The following PSMC1 variants were observed in gnomAD, a reference collection of about 807,000 sequenced individuals.
PSMC1 encodes the protein 26S proteasome regulatory subunit 4.
Under a neutral mutation model 49.8 loss-of-function variants are expected in PSMC1, and 5 were observed. That is an observed-to-expected ratio of 0.10 (90% CI 0.05 to 0.21). PSMC1 has a LOEUF of 0.21. PSMC1 is among the 10% of genes least tolerant of loss of function. The pLI, the probability that PSMC1 is intolerant of heterozygous loss-of-function variation, is 1.00. For missense variants in PSMC1, 181 were observed against 535.7 expected (o/e 0.34, Z 6.54); for synonymous variants, 155 against 192.1 (o/e 0.81, Z 1.60).
chr14:90,265,012 A>G, intron 6 of PSMC1, 58 bp from the exon 7 acceptor site: 1 of 1,258,768 alleles, frequency 7.9e-7, no homozygotes, highest in Non-Finnish European at 1.1e-6. Context: ...TCATGTTGCC[A>G]ATTAGTAAAT....
chr14:90,256,871 C>T (rs1042646766), intron 1 of PSMC1, among the ~76,000 whole-genome samples: 1 of 152,146 alleles, frequency 6.6e-6, no homozygotes, highest in African/African-American at 2.4e-5. Flanking sequence ...GGCGGCAGAA[C>T]GGATCAGGCC....
chr14:90,270,084 C>G (rs1361530832), intron 9 of PSMC1, 114 bp from the exon 10 acceptor site: 1 of 1,125,356 alleles, frequency 8.9e-7, no homozygotes, highest in African/African-American at 1.6e-5. Context: ...ATCCTTCCCA[C>G]AGAATTCTGT....
chr14:90,274,514 G>GCA lies in PSMC1; in HGVS notation c.*2109_*2110dup, dbSNP rs1891750554. 6.6e-6 allele frequency: 1 copy of GCA among 151,938 alleles called. No individual in the cohort carries two copies. Among genetic ancestry groups the GCA allele is most frequent in the Admixed American group, 6.6e-5 (1 of 15,200 alleles). 9.4% of individuals were successfully genotyped at this position (151,938 alleles called of 1,614,324 possible). A position where few individuals can be genotyped will look rare whatever the true frequency, so the allele number is the denominator to read the frequency against. On this transcript the variant is annotated 3_prime_UTR_variant, in exon 11 of 11. Coordinates refer to ENST00000261303, the MANE Select transcript of PSMC1 (RefSeq NM_002802.3). ...AACAGTGACACCCCAACTGCAGTGA[G>GCA]CACCCCTAGACCCAGACCTTTGCTG...
intron 10 of PSMC1, 42 bp downstream of exon 10, chr14:90,270,394 C>T (rs767691627): frequency 5.7e-6 from 9 of 1,586,884 alleles, no homozygotes; most frequent in East Asian, 4.5e-5. Flanking sequence ...GGAATGTGGC[C>T]GTCAATCAGG....
At chr14:90,267,269 C>A (rs1449947685) in intron 7 of PSMC1, among the ~76,000 whole-genome samples, 2 of 151,840 alleles carry the variant, frequency 1.3e-5, no homozygotes, top group African/African-American at 4.8e-5. Flanking sequence ...TCAAGCAATT[C>A]TCCTGCCTCA....
At chr14:90,265,286 G>C (rs1891482616) in intron 7 of PSMC1, 120 bp downstream of exon 7, 8 of 655,256 alleles carry the variant, frequency 1.2e-5, no homozygotes, top group South Asian at 6.5e-5. Context: ...TTAAAACAGG[G>C]CTGCTCAACC....
rs531373833 is a variant in PSMC1 at position 90,273,921 on chromosome 14, G to GTGA, written c.*1516_*1518dup. On this transcript the variant is annotated 3_prime_UTR_variant, in exon 11 of 11. Transcript: ENST00000261303. ...GCCTTTTCTATTCTTATGGATCCTT[G>GTGA]TGATTGCATTGGACCCATGCAGATG... is the stretch of plus-strand genomic sequence containing the variant. 10 of 154,980 alleles carry GTGA rather than the reference G, an allele frequency of 6.5e-5. No individual in the cohort carries two copies. Among genetic ancestry groups the GTGA allele is most frequent in the African/African-American group, 2.2e-4 (9 of 41,662 alleles). The allele number at this position is 154,980 out of a possible 1,614,324, so 9.6% of individuals were successfully genotyped here.
intron 7 of PSMC1, among the ~76,000 whole-genome samples, chr14:90,266,810 A>G (rs957389726): frequency 3.3e-5 from 5 of 152,308 alleles, no homozygotes; most frequent in Admixed American, 2.6e-4. Context: ...ACCTTCCCTC[A>G]TTGATGCTTT....
At position 90,274,541 on chromosome 14, in the gene PSMC1, T is replaced by TAA. The variant is rs1891751735; in HGVS notation, c.*2137_*2138dup. On this transcript the variant is annotated 3_prime_UTR_variant, in exon 11 of 11. Transcript: ENST00000261303. Reference sequence around the variant, plus strand: ...ACCCCTAGACCCAGACCTTTGCTGCTAAAAGTATTATTCTCCACTAAAAGG... The same window carrying TAA: ...ACCCCTAGACCCAGACCTTTGCTGCTAAAAAAGTATTATTCTCCACTAAAAGG... 7.7e-6 allele frequency: 1 copy of TAA among 129,996 alleles called. No homozygotes were observed. The highest frequency in any genetic ancestry group is 7.6e-5 in the Admixed American group (1 of 13,078). The allele number at this position is 129,996 out of a possible 1,614,324, so 8.1% of individuals were successfully genotyped here.
chr14:90,261,693 C>T (rs556080076), intron 3 of PSMC1, among the ~76,000 whole-genome samples: 21 of 152,170 alleles, frequency 1.4e-4, no homozygotes, highest in Non-Finnish European at 2.9e-4. Context: ...AACACTTTTA[C>T]ACTGTTGGTG....
At chr14:90,263,574 A>G (rs1006943370) in intron 4 of PSMC1, 88 bp from the exon 5 acceptor site, 4 of 1,505,160 alleles carry the variant, frequency 2.7e-6, no homozygotes, top group South Asian at 1.2e-5. Flanking sequence ...TTTTACAAGC[A>G]TCGGCTGCTT....
rs1305972314 is a variant in PSMC1, at chr14:90,272,425, C to A, written c.*18C>A. The A allele has an allele frequency of 2.0e-6, 3 of 1,526,330 alleles. No individual in the cohort carries two copies. The highest frequency in any genetic ancestry group is 2.2e-5 in the Admixed American group (1 of 46,432). The allele number at this position is 1,526,330 out of a possible 1,614,324, so 94.5% of individuals were successfully genotyped here. ...ATCTCTAATGAACCATGGCTGTCAT[C>A]AGGAAAATGGTTGGGAGATTTCTCA... is the stretch of plus-strand genomic sequence containing the variant. On this transcript the variant is annotated 3_prime_UTR_variant, in exon 11 of 11. Coordinates refer to ENST00000261303, the MANE Select transcript of PSMC1 (RefSeq NM_002802.3). This position sits in a 1 kb window ranked among gnomAD's most constrained non-coding sequence, Gnocchi z 4.5.
Position 90,275,243 on chromosome 14 carries a change from G to A in PSMC1, c.*2836G>A, listed in dbSNP as rs912855322. 1.2e-4 allele frequency: 18 copies of A among 152,256 alleles called. No homozygotes were observed. The highest frequency in any genetic ancestry group is 4.3e-4 in the African/African-American group (18 of 41,522). 9.4% of individuals were successfully genotyped at this position (152,256 alleles called of 1,614,324 possible). ...GCTCCTGAACTGGATCCTTTTCCTAGAGGACATGACTGGGCCTGAGGACCT... is the reference window on the plus strand; with the variant it reads ...GCTCCTGAACTGGATCCTTTTCCTAAAGGACATGACTGGGCCTGAGGACCT... On this transcript the variant is annotated 3_prime_UTR_variant, in exon 11 of 11. Transcript: ENST00000261303.
At position 90,274,834 on chromosome 14, in the gene PSMC1, A is replaced by ACACACC; in HGVS notation, c.*2429_*2434dup. 1 of 54,358 alleles carries ACACACC rather than the reference A, an allele frequency of 1.8e-5. No individual in the cohort carries two copies. The highest frequency in any genetic ancestry group is 6.8e-5 in the African/African-American group (1 of 14,664). 3.4% of individuals were successfully genotyped at this position (54,358 alleles called of 1,614,324 possible). ...CACACACACACACACACACACACACACACACCCCAATACATATGAATTGAT... is the reference window on the plus strand; with the variant it reads ...CACACACACACACACACACACACACACACACCCACACCCCAATACATATGAATTGAT... On this transcript the variant is annotated 3_prime_UTR_variant, in exon 11 of 11. Transcript: ENST00000261303.
chr14:90,256,597 G>A lies in PSMC1; in HGVS notation c.-1G>A. ...GCGGCAGCTCAAGTGGCCAAGGCAAGATGGTGAGTGACTAAGGGTTTCTTT... is the reference window on the plus strand; with the variant it reads ...GCGGCAGCTCAAGTGGCCAAGGCAAAATGGTGAGTGACTAAGGGTTTCTTT... On this transcript the variant is annotated 5_prime_UTR_variant, in exon 1 of 11. Coordinates refer to ENST00000261303, the MANE Select transcript of PSMC1 (RefSeq NM_002802.3). 6.3e-7 allele frequency: 1 copy of A among 1,589,596 alleles called. No individual in the cohort carries two copies.
At chr14:90,257,367 G>C (rs1226326919) in intron 1 of PSMC1, among the ~76,000 whole-genome samples, 1 of 152,120 alleles carries the variant, frequency 6.6e-6, no homozygotes, top group Non-Finnish European at 1.5e-5. Flanking sequence ...TTGTTGTATG[G>C]TTATTGTATA....
intron 9 of PSMC1, 104 bp downstream of exon 9, chr14:90,269,652 T>G: frequency 7.7e-7 from 1 of 1,292,406 alleles, no homozygotes; most frequent in Non-Finnish European, 1.1e-6. Context: ...AAGCAAATAC[T>G]GCAGTGAAAC....
At chr14:90,265,736 G>A (rs908195320) in intron 7 of PSMC1, among the ~76,000 whole-genome samples, 1 of 150,534 alleles carries the variant, frequency 6.6e-6, no homozygotes, top group Non-Finnish European at 1.5e-5. Context: ...GTGCATGCCT[G>A]TAGTCCCAGC....
At chr14:90,264,920 T>C in intron 6 of PSMC1, 150 bp from the exon 7 acceptor site, 1 of 673,062 alleles carries the variant, frequency 1.5e-6, no homozygotes, top group Non-Finnish European at 2.6e-6. Context: ...AGTATGTCTT[T>C]GCTGCTAATA....
Sources: gnomAD v4.1 joint callset for allele counts (sites outside exome capture counted in the v4.1 genomes callset) on GRCh38, gnomAD v4.1.1 for gene constraint, Gnocchi (gnomAD v3.1) non-coding constraint, MANE v1.5 for transcripts, NCBI Gene and HGNC (gene_info 2026-07-23, HGNC 2026-07-21) for gene names.